ADAMTS1: variants seen among roughly 807,000 people sequenced by gnomAD.
The protein encoded by ADAMTS1 is ADAM metallopeptidase with thrombospondin type 1 motif 1, also known as A disintegrin and metalloproteinase with thrombospondin motifs 1.
Under a neutral mutation model 87.9 loss-of-function variants are expected in ADAMTS1, and 19 were observed. The observed-to-expected ratio is 0.22, with a 90% confidence interval of 0.15 to 0.32. The LOEUF is 0.32. Ranked by LOEUF, ADAMTS1 falls within the 10% of genes least tolerant of loss-of-function variation. The pLI, the probability that ADAMTS1 is intolerant of heterozygous loss-of-function variation, is 1.00. For missense variants in ADAMTS1, 1,240 were observed against 1,259.1 expected, an observed-to-expected ratio of 0.98 and a Z score of 0.23; for synonymous variants, 542 against 501.8, an observed-to-expected ratio of 1.08 and a Z score of -1.07.
intron 3 of ADAMTS1, 62 bp from the exon 4 acceptor site, chr21:26,841,227 C>G: frequency 6.4e-7 from 1 of 1,568,152 alleles, no homozygotes. Context: ...GTGGCTCACA[C>G]CTGTAATTCC....
At position 26,841,953 on chromosome 21, in the gene ADAMTS1, A is replaced by G. The variant is rs1277531525; in HGVS notation, c.1115T>C (p.Met372Thr). Reference sequence around the variant, plus strand: ...ATCACACACAGTTCCAACATCAGCCATCCCAAGAGTATCACATGTCTGGGA... The same window carrying G: ...ATCACACACAGTTCCAACATCAGCCGTCCCAAGAGTATCACATGTCTGGGA... ...CGSQTCDTLGMADVGTVCDPS... is the reference protein window; with the variant it reads ...CGSQTCDTLGTADVGTVCDPS... Residue 372 changes from methionine (M) to threonine (T), a missense_variant, in exon 3 of 9, where the codon ATG becomes ACG. Physicochemically the swap from Met to Thr is moderately conservative, Grantham distance 81. Transcript: ENST00000284984. 4 of 1,614,188 alleles carry G rather than the reference A, an allele frequency of 2.5e-6. No homozygotes were observed. Among genetic ancestry groups the G allele is most frequent in the Non-Finnish European group, 3.4e-6 (4 of 1,180,044 alleles).
chr21:26,841,708 T>A (rs1292634851), intron 3 of ADAMTS1, 150 bp downstream of exon 3: 1 of 856,946 alleles, frequency 1.2e-6, no homozygotes, highest in Non-Finnish European at 1.7e-6. Context: ...AAAATGACCA[T>A]GTTTGAAATA....
chr21:26,837,934 T>C lies in ADAMTS1; in HGVS notation c.2549A>G (p.Asn850Ser). 1 of 1,614,234 alleles carries C rather than the reference T, an allele frequency of 6.2e-7. No homozygotes were observed. Among genetic ancestry groups the C allele is most frequent in the Non-Finnish European group, 8.5e-7 (1 of 1,180,044 alleles). Residue 850 changes from asparagine (N) to serine (S), a missense_variant, in exon 9 of 9, where the codon AAT becomes AGT. Around this residue, in one of 3 missense-constraint regions of ADAMTS1, gnomAD observed 402 missense variants for 399.1 expected, o/e 1.01. Transcript: ENST00000284984. Reference protein sequence around the residue: ...YFVKKKKESFNAIPTFSAWVI... With the variant: ...YFVKKKKESFSAIPTFSAWVI... ...CCATGCTGAAAAAGTGGGGATAGCA[T>C]TGAAAGATTCCTTCTTCTTCTTTAC...
chr21:26,841,011 C>T lies in ADAMTS1; in HGVS notation c.1365G>A (p.Leu455=). The change falls in exon 4 of 9, where the codon CTG becomes CTA. Residue 455 remains leucine, a synonymous_variant. Transcript: ENST00000284984. The part of the protein sequence containing the change: ...PCSAYMITSF[L]DNGHGECLMD... Reference sequence around the variant, plus strand: ...GGAATATCTCACCATGACCATTATCCAGAAATGATGTAATCATGTAGGCAC... The same window carrying T: ...GGAATATCTCACCATGACCATTATCTAGAAATGATGTAATCATGTAGGCAC... The T allele has an allele frequency of 1.2e-6, 2 of 1,613,948 alleles. No homozygotes were observed. Among genetic ancestry groups the T allele is most frequent in the South Asian group, 2.2e-5 (2 of 91,076 alleles).
Position 26,838,223 on chromosome 21 carries a change from TC to T in ADAMTS1, c.2259del (p.Lys754AsnfsTer35), listed in dbSNP as rs1180452583. On this transcript the variant is annotated frameshift_variant, in exon 9 of 9. Coordinates refer to ENST00000284984, the MANE Select transcript of ADAMTS1 (RefSeq NM_006988.5). LOFTEE classifies it high-confidence loss of function. ...TIPTGATNIE[V>X]KQRNQRGSRN... Reference sequence around the variant, plus strand: ...CTGGATCCCCTCTGGTTCCGCTGTTTCACTTCGATGTTGGTGGCTCCAGTTG... The same window carrying T: ...CTGGATCCCCTCTGGTTCCGCTGTTTACTTCGATGTTGGTGGCTCCAGTTG... The T allele has an allele frequency of 1.2e-6, 2 of 1,613,784 alleles. No individual in the cohort carries two copies. Among genetic ancestry groups the T allele is most frequent in the African/African-American group, 2.7e-5 (2 of 74,920 alleles).
chr21:26,837,592 G>C lies in ADAMTS1; in HGVS notation c.2891C>G (p.Ala964Gly). ...CACTTAAACCACTTAACTGCATTCT[G>C]CCATTGTGCAAAAGTCTATGAAATG... ...PKHFIDFCTMAECS is the reference protein window; with the variant it reads ...PKHFIDFCTMGECS Residue 964 changes from alanine to glycine, a missense_variant, in exon 9 of 9, where the codon GCA (alanine) becomes GGA (glycine). Ala to Gly is a moderately conservative substitution (Grantham distance 60). This residue lies in a region of ADAMTS1 where 402 missense variants were observed against 399.1 expected (regional missense o/e 1.01). Transcript: ENST00000284984. 1 of 1,613,892 alleles carries C rather than the reference G, an allele frequency of 6.2e-7. No individual in the cohort carries two copies. Among genetic ancestry groups the C allele is most frequent in the Non-Finnish European group, 8.5e-7 (1 of 1,179,920 alleles).
Position 26,844,635 on chromosome 21 carries a change from C to G in ADAMTS1, c.320G>C (p.Arg107Pro). ...APGFTLQNVG[R>P]KSGSETPLPE... ...AAGCGGCGTCTCGGACCCGGATTTG[C>G]GCCCCACGTTCTGGAGCGTGAAGCC... is the stretch of plus-strand genomic sequence containing the variant. The change falls in exon 1 of 9, where the codon CGC becomes CCC. Residue 107 changes from arginine to proline, a missense_variant. Arg to Pro is a moderately radical substitution (Grantham distance 103, BLOSUM62 -2). This residue lies in a region of ADAMTS1 where 521 missense variants were observed against 449.7 expected (regional missense o/e 1.16). Transcript: ENST00000284984. 1 of 1,605,650 alleles carries G rather than the reference C, an allele frequency of 6.2e-7. No homozygotes were observed. Among genetic ancestry groups the G allele is most frequent in the Non-Finnish European group, 8.5e-7 (1 of 1,176,390 alleles).
Position 26,838,057 on chromosome 21 carries a change from T to C in ADAMTS1, c.2426A>G (p.Glu809Gly), listed in dbSNP as rs1361423716. The C allele has an allele frequency of 6.2e-7, 1 of 1,614,078 alleles. No individual in the cohort carries two copies. The highest frequency in any genetic ancestry group is 1.3e-5 in the African/African-American group (1 of 74,918). Residue 809 changes from glutamate (E) to glycine (G), a missense_variant, in exon 9 of 9, where the codon GAA (glutamate) becomes GGA (glycine). By Grantham distance (98) the Glu-to-Gly change is moderately conservative (BLOSUM62 -2). Around this residue, in one of 3 missense-constraint regions of ADAMTS1, gnomAD observed 402 missense variants for 399.1 expected, o/e 1.01. Transcript: ENST00000284984. ...LRYSGSSAAL[E>G]RIRSFSPLKE... ...GAGAGGGCTAAAGCTGCGAATTCTT[T>C]CCAATGCCGCAGAGGAGCCGCTGTA...
At position 26,836,894 on chromosome 21, in the gene ADAMTS1, G is replaced by A. The variant is rs1156955181; in HGVS notation, c.*685C>T. 1 of 152,146 alleles carries A rather than the reference G, an allele frequency of 6.6e-6. No homozygotes were observed. 9.4% of individuals were successfully genotyped at this position (152,146 alleles called of 1,614,324 possible). A position where few individuals can be genotyped will look rare whatever the true frequency, so the allele number is the denominator to read the frequency against. ...TTCCATTGTAGACTTTAATGCACTT[G>A]AATAAATACATGGAGTTGTTTTTTC... On this transcript the variant is annotated 3_prime_UTR_variant, in exon 9 of 9. Coordinates refer to ENST00000284984, the MANE Select transcript of ADAMTS1 (RefSeq NM_006988.5).
chr21:26,841,315 C>T, intron 3 of ADAMTS1, 150 bp from the exon 4 acceptor site: 1 of 739,800 alleles, frequency 1.4e-6, no homozygotes, highest in South Asian at 2.0e-5. Context: ...CCCGTCTCTA[C>T]TAAAAATACA....
At chr21:26,841,295 A>G in intron 3 of ADAMTS1, 130 bp from the exon 4 acceptor site, 4 of 893,398 alleles carry the variant, frequency 4.5e-6, no homozygotes, top group South Asian at 1.7e-5. Flanking sequence ...CATGGCCAAC[A>G]TAGTGAAACC....
intron 7 of ADAMTS1, 54 bp downstream of exon 7, chr21:26,839,532 AG>A: frequency 7.0e-7 from 1 of 1,424,396 alleles, no homozygotes; most frequent in Non-Finnish European, 9.3e-7. Context: ...TTGTTTGAAA[AG>A]GTAGCAAGCC....
rs1170911767 is a variant in ADAMTS1 at position 26,844,767 on chromosome 21, G to C, written c.188C>G (p.Pro63Arg). 1.3e-6 allele frequency: 2 copies of C among 1,551,510 alleles called. No individual in the cohort carries two copies. Among genetic ancestry groups the C allele is most frequent in the Admixed American group, 3.8e-5 (2 of 52,952 alleles). The change falls in exon 1 of 9, where the codon CCG (proline) becomes CGG (arginine). Residue 63 changes from proline to arginine, a missense_variant. Around this residue, in one of 3 missense-constraint regions of ADAMTS1, gnomAD observed 521 missense variants for 449.7 expected, o/e 1.16. Transcript: ENST00000284984. ...GTGTCCCGGGGCGCGCTCCAGCTCC[G>C]GCACCACTAGCTCCTCGTCCTCCTC... ...PSEEDEELVV[P>R]ELERAPGHGT...
chr21:26,837,640 C>T lies in ADAMTS1; in HGVS notation c.2843G>A (p.Cys948Tyr). The part of the protein sequence containing the change: ...HDGGVLSHES[C>Y]DPLKKPKHFI... ...ATGTTTAGGTTTCTTTAAAGGATCA[C>T]AGCTCTCATGAGATAACACCCCTCC... is the stretch of plus-strand genomic sequence containing the variant. The change falls in exon 9 of 9, where the codon TGT (cysteine) becomes TAT (tyrosine). Residue 948 changes from cysteine (C) to tyrosine (Y), a missense_variant. Cys to Tyr is a radical substitution (Grantham distance 194). Coordinates refer to ENST00000284984, the MANE Select transcript of ADAMTS1 (RefSeq NM_006988.5). 4 of 1,614,216 alleles carry T rather than the reference C, an allele frequency of 2.5e-6. No individual in the cohort carries two copies. The highest frequency in any genetic ancestry group is 3.4e-6 in the Non-Finnish European group (4 of 1,180,048).
chr21:26,838,195 T>C lies in ADAMTS1; in HGVS notation c.2288A>G (p.Asn763Ser). Residue 763 changes from asparagine to serine, a missense_variant, in exon 9 of 9, where the codon AAC becomes AGC. Physicochemically the swap from Asn to Ser is conservative, Grantham distance 46. Coordinates refer to ENST00000284984, the MANE Select transcript of ADAMTS1 (RefSeq NM_006988.5). ...TTTGATGGCAAGAAAGCTGCCATTG[T>C]TCCTGGATCCCCTCTGGTTCCGCTG... ...VKQRNQRGSR[N>S]NGSFLAIKAA... 6.2e-7 allele frequency: 1 copy of C among 1,614,162 alleles called. No homozygotes were observed. The highest frequency in any genetic ancestry group is 8.5e-7 in the Non-Finnish European group (1 of 1,180,020).
Position 26,844,265 on chromosome 21 carries a change from C to T in ADAMTS1, c.690G>A (p.Ser230=), listed in dbSNP as rs1322244176. Residue 230 remains serine (S), a synonymous_variant, in exon 1 of 9, where the codon TCG becomes TCA. Coordinates refer to ENST00000284984, the MANE Select transcript of ADAMTS1 (RefSeq NM_006988.5). ...CGCCTTGCAGTGCCGGGTCCTGCGGCGACCACTGAGCCCCTTCGTCCTCGC... is the reference window on the plus strand; with the variant it reads ...CGCCTTGCAGTGCCGGGTCCTGCGGTGACCACTGAGCCCCTTCGTCCTCGC... The part of the protein sequence containing the change: ...TEGEDEGAQW[S]PQDPALQGVG... 6.3e-7 allele frequency: 1 copy of T among 1,589,100 alleles called. No homozygotes were observed. Among genetic ancestry groups the T allele is most frequent in the Non-Finnish European group, 8.6e-7 (1 of 1,168,930 alleles).
chr21:26,844,358 C>A lies in ADAMTS1; in HGVS notation c.597G>T (p.Gly199=), dbSNP rs1217640651. The A allele has an allele frequency of 6.3e-7, 1 of 1,598,960 alleles. No homozygotes were observed. Among genetic ancestry groups the A allele is most frequent in the Admixed American group, 1.7e-5 (1 of 58,690 alleles). ...NRQGDVGGTC[G]VVDDEPRPTG... ...TCGGCCGGGGCTCGTCGTCCACGAC[C>A]CCGCACGTGCCGCCGACGTCGCCCT... Residue 199 remains glycine, a synonymous_variant, in exon 1 of 9, where the codon GGG becomes GGT. Coordinates refer to ENST00000284984, the MANE Select transcript of ADAMTS1 (RefSeq NM_006988.5).
At position 26,839,898 on chromosome 21, in the gene ADAMTS1, A is replaced by G; in HGVS notation, c.1829T>C (p.Leu610Pro). The G allele has an allele frequency of 6.2e-7, 1 of 1,614,038 alleles. No individual in the cohort carries two copies. The highest frequency in any genetic ancestry group is 8.5e-7 in the Non-Finnish European group (1 of 1,180,016). ...ACCATTATTGTCTGGACAGTCCTCA[A>G]GGTTACAGGATCTGTAGCGCACTCG... ...GKRVRYRSCNLEDCPDNNGKT... is the reference protein window; with the variant it reads ...GKRVRYRSCNPEDCPDNNGKT... The change falls in exon 6 of 9, where the codon CTT (leucine) becomes CCT (proline). Residue 610 changes from leucine to proline, a missense_variant. Leu to Pro is a moderately conservative substitution (Grantham distance 98, BLOSUM62 -3). Coordinates refer to ENST00000284984, the MANE Select transcript of ADAMTS1 (RefSeq NM_006988.5).
chr21:26,836,261 C>T lies in ADAMTS1; in HGVS notation c.*1318G>A, dbSNP rs184055088. The T allele has an allele frequency of 6.6e-6, 1 of 152,252 alleles. No individual in the cohort carries two copies. The highest frequency in any genetic ancestry group is 1.9e-4 in the East Asian group (1 of 5,186). 9.4% of individuals were successfully genotyped at this position (152,252 alleles called of 1,614,324 possible). On this transcript the variant is annotated 3_prime_UTR_variant, in exon 9 of 9. Coordinates refer to ENST00000284984, the MANE Select transcript of ADAMTS1 (RefSeq NM_006988.5). ...CAGGTTTCCTTCCTAGGAATGAATT[C>T]CCACTTCAAAAAACAGACACACACA...
Sources: gnomAD v4.1 joint callset for allele counts on GRCh38, gnomAD v4.1.1 for gene constraint, gnomAD v4.1.1 regional missense constraint, MANE v1.5 for transcripts, NCBI Gene and HGNC (gene_info 2026-07-23, HGNC 2026-07-21) for gene names.